Variants in PLCB4 observed in about 807,000 individuals in gnomAD.
The protein encoded by PLCB4 is phospholipase C beta 4, also known as 1-phosphatidylinositol 4,5-bisphosphate phosphodiesterase beta-4.
A neutral mutation model predicts 178.8 loss-of-function variants in PLCB4; 77 were observed. That is an observed-to-expected ratio of 0.43 (90% CI 0.36 to 0.52). The LOEUF (loss-of-function observed/expected upper bound fraction) is 0.52, where lower values mean the gene tolerates loss of function less well. PLCB4 is among the 20% of genes least tolerant of loss of function. The pLI is 0.00. For missense variants in PLCB4, 1,024 were observed against 1,453.4 expected, an observed-to-expected ratio of 0.70 and a Z score of 4.80; for synonymous variants, 496 against 490.8, an observed-to-expected ratio of 1.01 and a Z score of -0.14.
chr20:9,432,936 C>A (rs6056618), intron 28 of PLCB4, among the ~76,000 whole-genome samples: 5 of 152,336 alleles, frequency 3.3e-5, no homozygotes, highest in African/African-American at 1.2e-4. Context: ...GATGTCAGCA[C>A]CATCAGCACC....
At chr20:9,476,054 C>G (rs1179654374) in intron 38 of PLCB4, among the ~76,000 whole-genome samples, 2 of 152,200 alleles carry the variant, frequency 1.3e-5, no homozygotes, top group Non-Finnish European at 2.9e-5. Flanking sequence ...GACCCTACTC[C>G]TAATCGGTGT....
chr20:9,429,349 T>G (rs762905357), intron 28 of PLCB4, among the ~76,000 whole-genome samples: 7 of 152,116 alleles, frequency 4.6e-5, no homozygotes, highest in Non-Finnish European at 8.8e-5. Context: ...GGAAATGAAT[T>G]CTTGCCACAG....
At chr20:9,460,501 A>G (rs920669785) in intron 35 of PLCB4, among the ~76,000 whole-genome samples, 2 of 152,354 alleles carry the variant, frequency 1.3e-5, no homozygotes, top group African/African-American at 2.4e-5. Flanking sequence ...ACAGCAAAGT[A>G]TCAGTTTATT....
chr20:9,207,221 C>A (rs1247849026), intron 2 of PLCB4, among the ~76,000 whole-genome samples: 1 of 152,182 alleles, frequency 6.6e-6, no homozygotes, highest in Non-Finnish European at 1.5e-5. Context: ...ATTTCTGTGA[C>A]CTCAGCCATG....
chr20:9,328,989 C>T (rs907922399), intron 4 of PLCB4, among the ~76,000 whole-genome samples: 5 of 152,210 alleles, frequency 3.3e-5, no homozygotes, highest in Middle Eastern at 3.4e-3. Context: ...GATGAAAGAT[C>T]GGTTGGAGGA....
intron 4 of PLCB4, among the ~76,000 whole-genome samples, chr20:9,310,429 A>G (rs980294284): frequency 6.6e-6 from 1 of 152,170 alleles, no homozygotes. Flanking sequence ...TAAAGAAAGC[A>G]GCTGGGCACA....
rs2043262999 is a variant in PLCB4, at chr20:9,459,527, CA to C, written c.3073-106del. 4.1e-5 allele frequency: 27 copies of C among 655,774 alleles called. 1 individual carries two copies. The South Asian group carries it at 7.6e-4, about 18-fold the overall frequency. The allele number at this position is 655,774 out of a possible 1,614,324, so 40.6% of individuals were successfully genotyped here. On this transcript the variant is annotated intron_variant, in intron 34 of 39. Transcript: ENST00000378473. ...TGGTTATAGGTGTCTCATGATTCACCAATTAAGTTGGTGGGAGGAACCTGAA... is the reference window on the plus strand; with the variant it reads ...TGGTTATAGGTGTCTCATGATTCACCATTAAGTTGGTGGGAGGAACCTGAA...
intron 2 of PLCB4, among the ~76,000 whole-genome samples, chr20:9,116,148 C>T (rs1474978): frequency 0.46 from 69,912 of 150,498 alleles, 16,808 homozygotes; most frequent in Middle Eastern, 0.57. Context: ...TGTGTGTGCG[C>T]GTGTGTGTGT....
At chr20:9,409,312 G>T in intron 24 of PLCB4, 131 bp downstream of exon 24, 18 of 565,298 alleles carry the variant, frequency 3.2e-5, no homozygotes, top group East Asian at 7.0e-5. Context: ...TGTGTTATTG[G>T]ATTTATATAA....
intron 2 of PLCB4, among the ~76,000 whole-genome samples, chr20:9,178,668 T>C (rs1237554602): frequency 6.6e-6 from 1 of 151,768 alleles, no homozygotes; most frequent in Non-Finnish European, 1.5e-5. Flanking sequence ...AGTGAAAACT[T>C]TAGTATAACT....
At chr20:9,286,691 G>A (rs745761405) in intron 3 of PLCB4, among the ~76,000 whole-genome samples, 3 of 151,998 alleles carry the variant, frequency 2.0e-5, no homozygotes, top group Non-Finnish European at 4.4e-5. Flanking sequence ...TTAAGACCAC[G>A]CCAGTGAGGT....
At chr20:9,079,668 A>T (rs2090051564) in intron 1 of PLCB4, among the ~76,000 whole-genome samples, 1 of 152,214 alleles carries the variant, frequency 6.6e-6, no homozygotes, top group Non-Finnish European at 1.5e-5. Flanking sequence ...TTGAGTGGTC[A>T]GTCCAGGGTA....
intron 2 of PLCB4, among the ~76,000 whole-genome samples, chr20:9,108,320 G>C (rs1479044714): frequency 2.0e-5 from 3 of 152,102 alleles, no homozygotes; most frequent in African/African-American, 7.2e-5. Flanking sequence ...GAGTCTAAGG[G>C]CACTTAGAGG....
intron 2 of PLCB4, among the ~76,000 whole-genome samples, chr20:9,180,172 A>G (rs914115019): frequency 6.6e-6 from 1 of 152,218 alleles, no homozygotes; most frequent in Non-Finnish European, 1.5e-5. Context: ...GTATTGTCCT[A>G]ACAATCTTGT....
In PLCB4 at chr20:9,390,543, G is replaced by A; in HGVS notation, c.1251G>A (p.Gln417=). Residue 417 remains glutamine, a synonymous_variant, in exon 17 of 40, where the codon CAG becomes CAA. Transcript: ENST00000378473. ...SFENHCSKYQ[Q]YKMSKYCEDL... is the part of the protein sequence containing the mutation. ...TTTTTCTCTCCAGCAAATATCAACAGTACAAGATGTCCAAATATTGCGAAG... is the reference window on the plus strand; with the variant it reads ...TTTTTCTCTCCAGCAAATATCAACAATACAAGATGTCCAAATATTGCGAAG... 1.9e-6 allele frequency: 3 copies of A among 1,571,886 alleles called. No individual in the cohort carries two copies. Among genetic ancestry groups the A allele is most frequent in the East Asian group, 2.2e-5 (1 of 44,632 alleles).
intron 12 of PLCB4, among the ~76,000 whole-genome samples, chr20:9,375,514 G>C (rs1348300675): frequency 6.6e-6 from 1 of 152,176 alleles, no homozygotes; most frequent in African/African-American, 2.4e-5. Context: ...TAGAAACTCT[G>C]TTAACTGAAG....
Position 9,354,393 on chromosome 20 carries a change from C to T in PLCB4, c.370-8503C>T, listed in dbSNP as rs1044070881. Among the ~76,000 whole-genome samples, 6 of 152,288 alleles carry T rather than the reference C, an allele frequency of 3.9e-5. 1 individual carries two copies. The South Asian group carries it at 1.0e-3, about 26-fold the overall frequency. ...CCCTCCAGTGGCCACCTACACACCC[C>T]CTTCAGTTAATTTTCTCTCTCATTA... On this transcript the variant is annotated intron_variant, in intron 7 of 39. Transcript: ENST00000378473.
intron 3 of PLCB4, among the ~76,000 whole-genome samples, chr20:9,268,413 C>G (rs999961643): frequency 1.3e-5 from 2 of 152,114 alleles, no homozygotes; most frequent in Non-Finnish European, 2.9e-5. Flanking sequence ...AATAAAGACT[C>G]TAATTTCAAA....
At chr20:9,295,252 A>C (rs979622219) in intron 3 of PLCB4, among the ~76,000 whole-genome samples, 1 of 152,178 alleles carries the variant, frequency 6.6e-6, no homozygotes, top group African/African-American at 2.4e-5. Context: ...AAATTGTTGC[A>C]TATGGCTAGC....
Sources: gnomAD v4.1 joint callset for allele counts (sites outside exome capture counted in the v4.1 genomes callset) on GRCh38, gnomAD v4.1.1 for gene constraint, MANE v1.5 for transcripts, NCBI Gene and HGNC (gene_info 2026-07-23, HGNC 2026-07-21) for gene names.